Variants in BMPER observed in about 807,000 individuals in gnomAD.
BMPER encodes BMP binding endothelial regulator, also known as BMP-binding endothelial regulator protein.
Under a neutral mutation model 87.3 loss-of-function variants are expected in BMPER, and 45 were observed. That is an observed-to-expected ratio of 0.52 (90% CI 0.41 to 0.66). The LOEUF is 0.66. Ranked by LOEUF, BMPER falls within the 30% of genes least tolerant of loss-of-function variation. The probability of loss-of-function intolerance (pLI) is 0.00; values close to 1 mark genes in which losing one functional copy is unlikely to be tolerated. For synonymous variants in BMPER, 326 were observed against 316.2 expected (o/e 1.03, Z -0.33); for missense variants, 784 against 867.5 (o/e 0.90, Z 1.21).
At chr7:33,940,253 A>G (rs1562642796) in intron 3 of BMPER, among the ~76,000 whole-genome samples, 1 of 152,208 alleles carries the variant, frequency 6.6e-6, no homozygotes, top group South Asian at 2.1e-4. Flanking sequence ...ACATTAGGGC[A>G]TAACATCTCT....
chr7:33,908,436 T>C (rs1416133250), intron 2 of BMPER, among the ~76,000 whole-genome samples: 1 of 152,198 alleles, frequency 6.6e-6, no homozygotes, highest in Non-Finnish European at 1.5e-5. Flanking sequence ...TGAGAAATTC[T>C]CCCCACAGCA....
intron 7 of BMPER, among the ~76,000 whole-genome samples, chr7:34,047,795 C>CTTCCTTCCTTCA (rs1562709406): frequency 4.2e-4 from 14 of 33,434 alleles, no homozygotes; most frequent in African/African-American, 4.4e-4. Flanking sequence ...TCTTTCCTTC[C>CTTCCTTCCTTCA]TTCCTTCCTT....
chr7:33,915,167 G>T (rs375327370), intron 2 of BMPER, among the ~76,000 whole-genome samples: 3 of 152,088 alleles, frequency 2.0e-5, no homozygotes, highest in East Asian at 3.9e-4. Flanking sequence ...ATTTTAAAAG[G>T]TACCCAAACA....
At chr7:33,963,079 T>G (rs1181424322) in intron 3 of BMPER, among the ~76,000 whole-genome samples, 1 of 152,260 alleles carries the variant, frequency 6.6e-6, no homozygotes, top group Non-Finnish European at 1.5e-5. Context: ...AGTGTTAGTT[T>G]CATATCTAAT....
intron 3 of BMPER, among the ~76,000 whole-genome samples, chr7:33,951,717 G>A (rs1785028930): frequency 6.6e-6 from 1 of 152,164 alleles, no homozygotes; most frequent in South Asian, 2.1e-4. Flanking sequence ...AGAAAGATGG[G>A]AAAATTGGAA....
In BMPER at chr7:33,905,654, A is replaced by G. The variant is rs750567459; in HGVS notation, c.41A>G (p.Tyr14Cys). 7.4e-6 allele frequency: 12 copies of G among 1,613,186 alleles called. No homozygotes were observed. Among genetic ancestry groups the G allele is most frequent in the Admixed American group, 3.3e-5 (2 of 60,006 alleles). ...GGCGTCGGGGCTCTGGCTGAGCGTT[A>G]CTGCCGCCGCTCGCCTGGGATTACG... ...FSGVGALAERYCRRSPGITCC... is the reference protein window; with the variant it reads ...FSGVGALAERCCRRSPGITCC... Residue 14 changes from tyrosine (Y) to cysteine (C), a missense_variant, in exon 1 of 15, where the codon TAC becomes TGC. Coordinates refer to ENST00000649409, the MANE Select transcript of BMPER (RefSeq NM_001365308.1).
Position 34,128,183 on chromosome 7 carries a change from G to A in BMPER, c.1746-15047G>A, listed in dbSNP as rs547421708. Among the ~76,000 whole-genome samples, 4 of 152,184 alleles carry A rather than the reference G, an allele frequency of 2.6e-5. No individual in the cohort carries two copies. The South Asian group carries it at 8.3e-4, about 32-fold the overall frequency. On this transcript the variant is annotated intron_variant, in intron 13 of 14. Transcript: ENST00000649409. ...TCTAAAGTATACATTTTTCTAAAAA[G>A]CCTTTTTTTCCTCTTTGCCTGGGTA...
At position 34,153,401 on chromosome 7, in the gene BMPER, T is replaced by TAC; in HGVS notation, c.*129_*130insCA. ...CACACACACAGAGTATATATGTGTATATATATATAGATATATTCAAAAACA... is the reference window on the plus strand; with the variant it reads ...CACACACACAGAGTATATATGTGTATACATATATATAGATATATTCAAAAACA... On this transcript the variant is annotated 3_prime_UTR_variant, in exon 15 of 15. Coordinates refer to ENST00000649409, the MANE Select transcript of BMPER (RefSeq NM_001365308.1). 1 of 834,582 alleles carries TAC rather than the reference T, an allele frequency of 1.2e-6. No homozygotes were observed. The highest frequency in any genetic ancestry group is 1.9e-6 in the Non-Finnish European group (1 of 515,084). 51.7% of individuals were successfully genotyped at this position (834,582 alleles called of 1,614,324 possible).
At chr7:33,993,421 G>A (rs2127928551) in intron 6 of BMPER, among the ~76,000 whole-genome samples, 1 of 152,188 alleles carries the variant, frequency 6.6e-6, no homozygotes, top group East Asian at 1.9e-4. Context: ...GGCTCCTGAG[G>A]CTTCTGCATT....
At position 34,153,170 on chromosome 7, in the gene BMPER, T is replaced by C. The variant is rs1791226391; in HGVS notation, c.1955T>C (p.Ile652Thr). ...AAGACGTGTGACAACTGGAATGAAA[T>C]TGGTCCATGCAACAAGCCGTGCGTT... ...CIKTCDNWNE[I>T]GPCNKPCVAG... Residue 652 changes from isoleucine (I) to threonine (T), a missense_variant, in exon 15 of 15, where the codon ATT becomes ACT. Physicochemically the swap from Ile to Thr is moderately conservative, Grantham distance 89. Transcript: ENST00000649409. The C allele has an allele frequency of 6.2e-7, 1 of 1,613,992 alleles. No individual in the cohort carries two copies. Among genetic ancestry groups the C allele is most frequent in the East Asian group, 2.2e-5 (1 of 44,878 alleles).
chr7:34,048,466 C>T (rs970004746), intron 7 of BMPER, among the ~76,000 whole-genome samples: 1 of 152,158 alleles, frequency 6.6e-6, no homozygotes, highest in Non-Finnish European at 1.5e-5. Flanking sequence ...GTTTGGGTTG[C>T]CAGTGTGTGT....
At chr7:34,088,951 C>T (rs554127569) in intron 13 of BMPER, among the ~76,000 whole-genome samples, 3 of 151,992 alleles carry the variant, frequency 2.0e-5, no homozygotes, top group Non-Finnish European at 2.9e-5. Flanking sequence ...GCATTGCAAT[C>T]GTTTAAAAAA....
chr7:34,014,301 G>C (rs571352133), intron 6 of BMPER, among the ~76,000 whole-genome samples: 106 of 152,070 alleles, frequency 7.0e-4, no homozygotes, highest in African/African-American at 2.4e-3. Flanking sequence ...GGGTGTTTTT[G>C]ACAGTGGGTC....
At chr7:34,046,828 T>A (rs955803717) in intron 7 of BMPER, among the ~76,000 whole-genome samples, 2 of 151,566 alleles carry the variant, frequency 1.3e-5, no homozygotes, top group Non-Finnish European at 2.9e-5. Context: ...AAAATGAGAG[T>A]TTTGGAAGGA....
intron 11 of BMPER, among the ~76,000 whole-genome samples, chr7:34,075,790 C>T (rs771290033): frequency 6.6e-5 from 10 of 152,154 alleles, no homozygotes; most frequent in African/African-American, 9.7e-5. Context: ...TAAGTGTTCT[C>T]GAGCCTTTTC....
chr7:33,941,175 TATATA>T (rs1218652504), intron 3 of BMPER, among the ~76,000 whole-genome samples: 5 of 140,676 alleles, frequency 3.6e-5, no homozygotes, highest in Non-Finnish European at 6.1e-5. Context: ...TATATATTTA[TATATA>T]ATATAATTTA....
chr7:34,085,389 A>G (rs1789171863), intron 12 of BMPER, among the ~76,000 whole-genome samples: 1 of 152,152 alleles, frequency 6.6e-6, no homozygotes, highest in Non-Finnish European at 1.5e-5. Context: ...ACATTGTAGT[A>G]GTCATTAGAT....
chr7:33,993,326 C>CT (rs1399562465), intron 6 of BMPER, among the ~76,000 whole-genome samples: 1 of 148,350 alleles, frequency 6.7e-6, no homozygotes, highest in Non-Finnish European at 1.5e-5. Flanking sequence ...TCTTTTTATT[C>CT]TTTTTTCTCT....
chr7:33,945,183 C>T (rs192202948), intron 3 of BMPER, among the ~76,000 whole-genome samples: 74 of 151,890 alleles, frequency 4.9e-4, no homozygotes, highest in African/African-American at 1.6e-3. Context: ...CCTCGTGATC[C>T]GCCCGCCTTG....
Sources: gnomAD v4.1 joint callset for allele counts (sites outside exome capture counted in the v4.1 genomes callset) on GRCh38, gnomAD v4.1.1 for gene constraint, MANE v1.5 for transcripts, NCBI Gene and HGNC (gene_info 2026-07-23, HGNC 2026-07-21) for gene names.